Variants in STIM1 observed in about 807,000 individuals in gnomAD.
The protein encoded by STIM1 is stromal interaction molecule 1.
STIM1 carries 25 observed loss-of-function variants against 74.7 expected under a neutral mutation model. The ratio of observed to expected loss-of-function variants is 0.33; its 90% CI spans 0.24 to 0.47. The LOEUF is 0.47. STIM1 is among the 20% of genes least tolerant of loss of function. The probability of loss-of-function intolerance (pLI) is 1.00; values close to 1 mark genes in which losing one functional copy is unlikely to be tolerated. For synonymous variants in STIM1, 328 were observed against 348.8 expected (o/e 0.94, Z 0.66); for missense variants, 728 against 920.8 (o/e 0.79, Z 2.71).
At chr11:3,975,840 A>G (rs2093442590) in intron 2 of STIM1, among the ~76,000 whole-genome samples, 1 of 152,206 alleles carries the variant, frequency 6.6e-6, no homozygotes, top group Admixed American at 6.5e-5. Flanking sequence ...TAAAAAATGG[A>G]CAATATCAAG....
At chr11:4,025,400 T>C (rs1471433933) in intron 3 of STIM1, among the ~76,000 whole-genome samples, 1 of 152,188 alleles carries the variant, frequency 6.6e-6, no homozygotes, top group Non-Finnish European at 1.5e-5. Flanking sequence ...CTGGATATCT[T>C]TGGAAGCTGA....
intron 1 of STIM1, among the ~76,000 whole-genome samples, chr11:3,926,310 G>T (rs1485204091): frequency 6.6e-6 from 1 of 152,174 alleles, no homozygotes; most frequent in Non-Finnish European, 1.5e-5. Context: ...TATGTGGTAA[G>T]CGATACCGAA....
intron 2 of STIM1, among the ~76,000 whole-genome samples, chr11:4,018,623 C>T (rs1435157726): frequency 2.9e-4 from 26 of 89,524 alleles, no homozygotes. Context: ...CCAGCCTGGG[C>T]AATAAGAATG....
At chr11:4,047,608 C>G (rs1433858661) in intron 3 of STIM1, among the ~76,000 whole-genome samples, 1 of 151,822 alleles carries the variant, frequency 6.6e-6, no homozygotes, top group Non-Finnish European at 1.5e-5. Context: ...AGAGCAAGAC[C>G]CTTTTTCAAA....
At chr11:3,986,573 A>G (rs929932249) in intron 2 of STIM1, among the ~76,000 whole-genome samples, 4 of 152,162 alleles carry the variant, frequency 2.6e-5, no homozygotes, top group Admixed American at 6.5e-5. Flanking sequence ...GTATGTCAGG[A>G]GCAGGTTTTG....
intron 5 of STIM1, among the ~76,000 whole-genome samples, chr11:4,064,866 A>T (rs73431662): frequency 0.057 from 8,661 of 152,244 alleles, 795 homozygotes; most frequent in African/African-American, 0.2. Context: ...CTCGCCAAAC[A>T]GTACCAGTTT....
At chr11:4,028,389 CT>C (rs1172770870) in intron 3 of STIM1, among the ~76,000 whole-genome samples, 3 of 149,774 alleles carry the variant, frequency 2.0e-5, no homozygotes, top group Non-Finnish European at 3.0e-5. Flanking sequence ...GTGAATATTT[CT>C]TTTTTTTTCT....
At chr11:4,049,391 C>T (rs552869143) in intron 3 of STIM1, 9 of 147,506 alleles carry the variant, frequency 6.1e-5, no homozygotes, top group African/African-American at 1.5e-4. Context: ...ATGGCATGAT[C>T]GCGGCTTATT....
At chr11:3,924,371 T>C (rs2092761503) in intron 1 of STIM1, among the ~76,000 whole-genome samples, 1 of 152,016 alleles carries the variant, frequency 6.6e-6, no homozygotes, top group Non-Finnish European at 1.5e-5. Context: ...GCTAATTTTT[T>C]GTATTTTTAG....
In STIM1 at chr11:4,087,380, A is replaced by C. The variant is rs570458602; in HGVS notation, c.1634+837A>C. On this transcript the variant is annotated intron_variant, in intron 12 of 12. Transcript: ENST00000526596. ...ACCTGGGTGGAATGCTTCACCAAAG[A>C]GATGAATTTGTGCTAACATCCTGTG... Among the ~76,000 whole-genome samples the C allele has an allele frequency of 7.2e-5, 11 of 152,334 alleles. No individual in the cohort carries two copies. The East Asian group carries it at 1.9e-3, about 27-fold the overall frequency.
intron 2 of STIM1, among the ~76,000 whole-genome samples, chr11:3,990,197 A>G (rs2093597363): frequency 6.6e-6 from 1 of 152,218 alleles, no homozygotes; most frequent in Non-Finnish European, 1.5e-5. Context: ...TTCAAGGTGC[A>G]TTCATGTTGT....
intron 12 of STIM1, among the ~76,000 whole-genome samples, chr11:4,087,997 A>G (rs988995001): frequency 3.3e-5 from 5 of 152,050 alleles, no homozygotes; most frequent in African/African-American, 9.7e-5. Context: ...AATTCCCTCC[A>G]GGTCTCATAG....
At chr11:4,023,682 C>A (rs2093976581) in intron 2 of STIM1, among the ~76,000 whole-genome samples, 191 bp from the exon 3 acceptor site, 1 of 151,974 alleles carries the variant, frequency 6.6e-6, no homozygotes, top group South Asian at 2.1e-4. Context: ...AGACATGTAA[C>A]AAAGAGGAAG....
intron 1 of STIM1, among the ~76,000 whole-genome samples, chr11:3,940,094 G>A (rs1311900491): frequency 6.6e-6 from 1 of 152,184 alleles, no homozygotes; most frequent in African/African-American, 2.4e-5. Flanking sequence ...CTTAACTCCA[G>A]AAGAAATTAA....
At chr11:4,006,935 C>A (rs572190931) in intron 2 of STIM1, among the ~76,000 whole-genome samples, 1 of 152,064 alleles carries the variant, frequency 6.6e-6, no homozygotes, top group Non-Finnish European at 1.5e-5. Flanking sequence ...ATTGCTGTAC[C>A]CAAAGGTGTG....
chr11:4,010,986 G>C (rs1449683648), intron 2 of STIM1, among the ~76,000 whole-genome samples: 1 of 152,014 alleles, frequency 6.6e-6, no homozygotes, highest in African/African-American at 2.4e-5. Context: ...TTCTGTCCTT[G>C]TGATATTTTG....
In STIM1 at chr11:3,953,780, C is replaced by CTTTT. The variant is rs201952182; in HGVS notation, c.140-13769_140-13768insTTTT. Among the ~76,000 whole-genome samples the CTTTT allele has an allele frequency of 5.9e-4, 77 of 131,086 alleles. 8 individuals carry two copies. Among genetic ancestry groups the CTTTT allele is most frequent in the Non-Finnish European group, 7.4e-4 (46 of 61,846 alleles). The allele number at this position is 131,086 out of a possible 152,430, so 86.0% of individuals were successfully genotyped here. On this transcript the variant is annotated intron_variant, in intron 1 of 12. Coordinates refer to ENST00000526596, the MANE Select transcript of STIM1 (RefSeq NM_001382567.1). ...TCGGTATTGACTTCTTGATCTTCTT[C>CTTTT]TTTCTTTTTTTTTTTTTTTTGAGAC... is the stretch of plus-strand genomic sequence containing the variant.
intron 2 of STIM1, among the ~76,000 whole-genome samples, chr11:3,997,895 G>A (rs2093677014): frequency 6.6e-6 from 1 of 152,114 alleles, no homozygotes; most frequent in African/African-American, 2.4e-5. Context: ...GACCTTAGAG[G>A]TTAGTAGACT....
At chr11:3,917,435 G>GTTTTTTT (rs558911615) in intron 1 of STIM1, among the ~76,000 whole-genome samples, 1 of 133,324 alleles carries the variant, frequency 7.5e-6, no homozygotes, top group Non-Finnish European at 1.6e-5. Context: ...CAGGGTTTCT[G>GTTTTTTT]TTTTTTTTTT....
Sources: gnomAD v4.1 joint callset for allele counts (sites outside exome capture counted in the v4.1 genomes callset) on GRCh38, gnomAD v4.1.1 for gene constraint, MANE v1.5 for transcripts, NCBI Gene and HGNC (gene_info 2026-07-23, HGNC 2026-07-21) for gene names.